ANKRD26: variants seen among roughly 807,000 people sequenced by gnomAD.
ANKRD26 encodes ankyrin repeat domain-containing protein 26.
Under a neutral mutation model 208.7 loss-of-function variants are expected in ANKRD26, and 141 were observed. That is an observed-to-expected ratio of 0.68 (90% CI 0.59 to 0.78). The LOEUF is 0.78. ANKRD26 is among the 30% of genes least tolerant of loss of function. The pLI is 0.00. For missense variants in ANKRD26, 1,889 were observed against 1,938.7 expected, an observed-to-expected ratio of 0.97 and a Z score of 0.48; for synonymous variants, 636 against 660.4, an observed-to-expected ratio of 0.96 and a Z score of 0.57.
chr10:26,955,781 G>A, the ANKRD26 span, among the ~76,000 whole-genome samples: 1 of 152,314 alleles, frequency 6.6e-6, no homozygotes, highest in East Asian at 1.9e-4. Flanking sequence ...AGAACATTAA[G>A]AAGGCTGTTT....
the ANKRD26 span, among the ~76,000 whole-genome samples, chr10:26,955,440 T>A: frequency 0.016 from 2,359 of 151,292 alleles, 40 homozygotes; most frequent in African/African-American, 0.041. Flanking sequence ...AAAAAAAAAA[T>A]ATATATATAT....
chr10:27,094,016 G>A (rs887976500), intron 1 of ANKRD26, among the ~76,000 whole-genome samples: 2 of 152,096 alleles, frequency 1.3e-5, no homozygotes, highest in African/African-American at 2.4e-5. Flanking sequence ...ACTGAATCAC[G>A]AGGATGGTTC....
At chr10:27,040,261 G>T in intron 20 of ANKRD26, 83 bp from the exon 21 acceptor site, 2 of 992,970 alleles carry the variant, frequency 2.0e-6, no homozygotes, top group East Asian at 2.6e-5. Flanking sequence ...CACTCATTAA[G>T]ACACTGACCA....
At chr10:27,085,879 A>G (rs750803160) in intron 5 of ANKRD26, among the ~76,000 whole-genome samples, 4 of 152,162 alleles carry the variant, frequency 2.6e-5, no homozygotes, top group Non-Finnish European at 4.4e-5. Context: ...CTTCCACTCA[A>G]TGAGTAGTAA....
rs753469323 is a variant in ANKRD26 at position 27,037,928 on chromosome 10, T to A, written c.2502A>T (p.Glu834Asp). ...RKEVEVKQQL[E>D]LSLQTLEMEL... ...CCATCTCCAGTGTTTGGAGACTCAG[T>A]TCAAGCTGTTGTTTCACTTCAACTT... The change falls in exon 22 of 34, where the codon GAA (glutamate) becomes GAT (aspartate). Residue 834 changes from glutamate (E) to aspartate (D), a missense_variant. By Grantham distance (45) the Glu-to-Asp change is conservative. This residue lies in a region of ANKRD26 where 1,272 missense variants were observed against 1,273.8 expected (regional missense o/e 1.00). Coordinates refer to ENST00000376087, the MANE Select transcript of ANKRD26 (RefSeq NM_014915.3). 17 of 1,613,492 alleles carry A rather than the reference T, an allele frequency of 1.1e-5. 1 individual carries two copies. The Admixed American group carries it at 1.5e-4, about 14-fold the overall frequency.
downstream of ANKRD26, among the ~76,000 whole-genome samples, chr10:26,972,204 C>T (rs1401942982): frequency 6.8e-6 from 1 of 146,166 alleles, no homozygotes; most frequent in African/African-American, 2.6e-5. Context: ...CACTGCACTC[C>T]AGCCTGGGCG....
chr10:27,039,404 A>G (rs974512002), intron 21 of ANKRD26, among the ~76,000 whole-genome samples: 1 of 151,902 alleles, frequency 6.6e-6, no homozygotes, highest in African/African-American at 2.4e-5. Flanking sequence ...CAGTGAGCCA[A>G]GATTGCGCCA....
chr10:26,985,430 C>A (rs887879345), intron 3 of ANKRD26, among the ~76,000 whole-genome samples: 1 of 152,142 alleles, frequency 6.6e-6, no homozygotes, highest in African/African-American at 2.4e-5. Flanking sequence ...TTTCGCTTTC[C>A]AGTGACAGGT....
At chr10:27,037,348 C>T in intron 22 of ANKRD26, 25 bp from the exon 23 acceptor site, 1 of 1,612,620 alleles carries the variant, frequency 6.2e-7, no homozygotes. Flanking sequence ...AGTTTTAGGT[C>T]TATTAGCATT....
At chr10:27,060,671 T>A (rs1202019599) in intron 13 of ANKRD26, 131 bp from the exon 14 acceptor site, 1 of 769,420 alleles carries the variant, frequency 1.3e-6, no homozygotes. Flanking sequence ...TTTTGGGATG[T>A]TTTTTATTTT....
At chr10:27,040,892 TGGTG>T (rs894621459) in intron 20 of ANKRD26, among the ~76,000 whole-genome samples, 5 of 151,746 alleles carry the variant, frequency 3.3e-5, no homozygotes, top group African/African-American at 1.2e-4. Context: ...TAGTGGGGCG[TGGTG>T]GCAGGCACCT....
chr10:26,984,706 G>A (rs1474944551), intron 3 of ANKRD26, among the ~76,000 whole-genome samples: 2 of 152,164 alleles, frequency 1.3e-5, no homozygotes, highest in Non-Finnish European at 2.9e-5. Flanking sequence ...GGTTATTTGG[G>A]TTCCTGACAC....
intron 12 of ANKRD26, among the ~76,000 whole-genome samples, chr10:27,062,970 G>T (rs2055115593): frequency 6.6e-6 from 1 of 152,092 alleles, no homozygotes; most frequent in Non-Finnish European, 1.5e-5. Flanking sequence ...GTTTCACCAT[G>T]TTGGCCAGGC....
intron 15 of ANKRD26, among the ~76,000 whole-genome samples, chr10:27,057,181 G>A (rs1450754775): frequency 6.6e-6 from 1 of 152,144 alleles, no homozygotes; most frequent in South Asian, 2.1e-4. Flanking sequence ...TTTCTTCATA[G>A]AAGAAGTCCC....
Position 27,066,501 on chromosome 10 carries a change from G to T in ANKRD26, c.1255C>A (p.Pro419Thr). 6.3e-7 allele frequency: 1 copy of T among 1,597,252 alleles called. No homozygotes were observed. The highest frequency in any genetic ancestry group is 8.6e-7 in the Non-Finnish European group (1 of 1,169,208). ...ATAGAAAGTACCTCAGAATCCCAAG[G>T]TGATTCTATATCTTCCTCTTGTCCT... ...GLGQEEDIES[P>T]WDSESISENF... Residue 419 changes from proline to threonine, a missense_variant, in exon 11 of 34, where the codon CCT becomes ACT. Pro to Thr is a conservative substitution (Grantham distance 38, BLOSUM62 -1). This residue lies in a region of ANKRD26 where 1,272 missense variants were observed against 1,273.8 expected (regional missense o/e 1.00). Coordinates refer to ENST00000376087, the MANE Select transcript of ANKRD26 (RefSeq NM_014915.3).
At chr10:26,973,649 C>T (rs1260422932), downstream of ANKRD26, among the ~76,000 whole-genome samples, 20 of 88,438 alleles carry the variant, frequency 2.3e-4, no homozygotes, top group South Asian at 4.3e-4. Flanking sequence ...TTTATTTGTC[C>T]TTTTTTTTTT....
At chr10:27,013,443 G>A (rs1294741295) in intron 31 of ANKRD26, among the ~76,000 whole-genome samples, 1 of 152,144 alleles carries the variant, frequency 6.6e-6, no homozygotes, top group East Asian at 1.9e-4. Flanking sequence ...GATTCCTGAG[G>A]ATGCCATTAA....
rs573287942 is a variant in ANKRD26 at position 27,024,393 on chromosome 10, T to C, written c.4085+54A>G. On this transcript the variant is annotated intron_variant, in intron 28 of 33. Transcript: ENST00000376087. The stretch of plus-strand genomic sequence containing the variant: ...TATCTAGTTTTGAACAAAGTAAAAT[T>C]ATATTAAATCAATTAATGAATGGTT... 5.2e-6 allele frequency: 5 copies of C among 964,820 alleles called. No individual in the cohort carries two copies. In the South Asian group the frequency reaches 7.6e-5, roughly 15 times the overall value. The allele number at this position is 964,820 out of a possible 1,614,324, so 59.8% of individuals were successfully genotyped here.
the ANKRD26 span, among the ~76,000 whole-genome samples, chr10:26,951,023 T>C: frequency 1.0e-4 from 7 of 66,914 alleles, no homozygotes; most frequent in East Asian, 6.5e-4. Context: ...CTTTTTCTTT[T>C]TTTTTTTTTT....
Sources: allele counts gnomAD v4.1 joint callset (sites outside exome capture counted in the v4.1 genomes callset), GRCh38; gene constraint gnomAD v4.1.1; regional missense constraint gnomAD v4.1.1; transcripts MANE v1.5; gene names NCBI Gene and HGNC (gene_info 2026-07-23, HGNC 2026-07-21).